KCNK13: variants seen among roughly 807,000 people sequenced by gnomAD.
The protein encoded by KCNK13 is potassium channel subfamily K member 13.
Under a neutral mutation model 23.4 loss-of-function variants are expected in KCNK13, and 12 were observed. That is an observed-to-expected ratio of 0.51 (90% confidence interval 0.33 to 0.83). The LOEUF is 0.83. Among genes scored for constraint, KCNK13 ranks in the 40% least tolerant of loss-of-function variants. The pLI is 0.02. For missense variants in KCNK13, 463 were observed against 556.3 expected, an observed-to-expected ratio of 0.83 and a Z score of 1.69; for synonymous variants, 231 against 229.5, an observed-to-expected ratio of 1.01 and a Z score of -0.06.
chr14:90,115,750 G>A (rs796246847), intron 1 of KCNK13, among the ~76,000 whole-genome samples: 1 of 152,176 alleles, frequency 6.6e-6, no homozygotes, highest in Non-Finnish European at 1.5e-5. Context: ...GCCATGGTTT[G>A]TCCACCCTGA....
At chr14:90,141,782 T>G (rs1890008552) in intron 1 of KCNK13, among the ~76,000 whole-genome samples, 1 of 79,348 alleles carries the variant, frequency 1.3e-5, no homozygotes, top group Non-Finnish European at 2.4e-5. Context: ...GTTTTTGTTT[T>G]GTTTTGTTTT....
At chr14:90,166,583 A>G (rs1210488793) in intron 1 of KCNK13, among the ~76,000 whole-genome samples, 2 of 152,004 alleles carry the variant, frequency 1.3e-5, no homozygotes, top group Non-Finnish European at 2.9e-5. Context: ...GCAGGCACCT[A>G]TAATCCCAGC....
chr14:90,090,913 A>G (rs1889337315), intron 1 of KCNK13, among the ~76,000 whole-genome samples: 2 of 152,134 alleles, frequency 1.3e-5, no homozygotes, highest in South Asian at 2.1e-4. Flanking sequence ...ATGTGGAACT[A>G]TAAGTCCATT....
chr14:90,082,250 A>C (rs1223765803), intron 1 of KCNK13, among the ~76,000 whole-genome samples: 1 of 150,316 alleles, frequency 6.7e-6, no homozygotes, highest in African/African-American at 2.5e-5. Flanking sequence ...TTTTTAGTAG[A>C]GACAGGGTTT....
intron 1 of KCNK13, among the ~76,000 whole-genome samples, chr14:90,161,557 G>A (rs1373765342): frequency 6.6e-6 from 1 of 152,206 alleles, no homozygotes; most frequent in African/African-American, 2.4e-5. Context: ...ATGGGAATCA[G>A]TGTGACAAGA....
rs934574418 is a variant in KCNK13 at position 90,184,693 on chromosome 14, T to G, written c.917T>G (p.Leu306Arg). The G allele has an allele frequency of 2.5e-6, 4 of 1,614,096 alleles. No homozygotes were observed. The highest frequency in any genetic ancestry group is 3.4e-6 in the Non-Finnish European group (4 of 1,180,054). ...TGCTGCCCGCAATGCCAGAGAGGAC[T>G]CTTGCGATCACGCAGGAACGTGGTG... ...SGCCPQCQRG[L>R]LRSRRNVVMP... The change falls in exon 2 of 2, where the codon CTC (leucine) becomes CGC (arginine). Residue 306 changes from leucine to arginine, a missense_variant. By Grantham distance (102) the Leu-to-Arg change is moderately radical. Transcript: ENST00000282146. This position sits in a 1 kb window ranked among gnomAD's most constrained non-coding sequence, Gnocchi z 5.6.
At chr14:90,179,689 C>T (rs1890464160) in intron 1 of KCNK13, among the ~76,000 whole-genome samples, 1 of 152,220 alleles carries the variant, frequency 6.6e-6, no homozygotes, top group African/African-American at 2.4e-5. Flanking sequence ...CAGATAACTT[C>T]AGGCTTGAAG....
chr14:90,128,477 A>G (rs1454523082), intron 1 of KCNK13, among the ~76,000 whole-genome samples: 2 of 151,976 alleles, frequency 1.3e-5, no homozygotes, highest in African/African-American at 4.8e-5. Context: ...CTGACTTCTC[A>G]CTGTGTGGCA....
rs1014125447 is a variant in KCNK13, at chr14:90,108,552, C to A, written c.334+46013C>A. Among the ~76,000 whole-genome samples the A allele has an allele frequency of 2.4e-4, 37 of 152,152 alleles. 1 individual carries two copies. The highest frequency in any genetic ancestry group is 5.9e-5 in the Non-Finnish European group (4 of 68,020). On this transcript the variant is annotated intron_variant, in intron 1 of 1. Transcript: ENST00000282146. ...CACCTTGAGAATCACTGCTCTGAAC[C>A]AGTGTTGTCCACCTTGTCCTCTCAC...
At chr14:90,066,606 A>G (rs568415408) in intron 1 of KCNK13, among the ~76,000 whole-genome samples, 11 of 152,324 alleles carry the variant, frequency 7.2e-5, no homozygotes, top group Non-Finnish European at 1.6e-4. Flanking sequence ...CTTTGGGATT[A>G]TATGTAGGAG....
intron 1 of KCNK13, among the ~76,000 whole-genome samples, chr14:90,073,691 G>C (rs1267835981): frequency 6.6e-6 from 1 of 152,142 alleles, no homozygotes; most frequent in Non-Finnish European, 1.5e-5. Context: ...TTTTTCTGGA[G>C]ACAGAGTCTC....
intron 1 of KCNK13, among the ~76,000 whole-genome samples, chr14:90,111,077 C>G (rs1489760552): frequency 6.6e-6 from 1 of 152,034 alleles, no homozygotes; most frequent in Non-Finnish European, 1.5e-5. Context: ...GAACTCCCTG[C>G]ATTAGCCTAT....
intron 1 of KCNK13, among the ~76,000 whole-genome samples, chr14:90,163,960 G>C (rs1202883475): frequency 6.6e-6 from 1 of 152,152 alleles, no homozygotes; most frequent in Non-Finnish European, 1.5e-5. Flanking sequence ...CCAAAGTGCT[G>C]GGATTACAGG....
At chr14:90,136,635 T>C (rs1889939763) in intron 1 of KCNK13, among the ~76,000 whole-genome samples, 1 of 152,192 alleles carries the variant, frequency 6.6e-6, no homozygotes, top group South Asian at 2.1e-4. Context: ...AAAATAGTTA[T>C]TTACTGGCTT....
intron 1 of KCNK13, among the ~76,000 whole-genome samples, chr14:90,143,479 ATGTGT>A (rs1309014421): frequency 6.6e-6 from 1 of 152,022 alleles, no homozygotes; most frequent in African/African-American, 2.4e-5. Context: ...TTGACCACGT[ATGTGT>A]GGGTTTATTT....
intron 1 of KCNK13, among the ~76,000 whole-genome samples, chr14:90,179,842 A>G (rs1436725593): frequency 1.3e-5 from 2 of 152,210 alleles, no homozygotes; most frequent in Admixed American, 6.5e-5. Flanking sequence ...TGGAAGAGAC[A>G]TATATACATT....
intron 1 of KCNK13, among the ~76,000 whole-genome samples, chr14:90,104,182 C>T (rs1204942283): frequency 6.6e-6 from 1 of 152,154 alleles, no homozygotes; most frequent in Non-Finnish European, 1.5e-5. Context: ...CTCAGCCGAG[C>T]CTCCTAATCT....
intron 1 of KCNK13, among the ~76,000 whole-genome samples, chr14:90,082,127 T>A (rs754002990): frequency 6.6e-6 from 1 of 152,202 alleles, no homozygotes; most frequent in Non-Finnish European, 1.5e-5. Context: ...AGTGGCATGA[T>A]CTCAGCTCAC....
intron 1 of KCNK13, among the ~76,000 whole-genome samples, chr14:90,120,187 T>C (rs529587301): frequency 1.3e-5 from 2 of 152,346 alleles, no homozygotes; most frequent in East Asian, 3.9e-4. Flanking sequence ...TATTGCTGTG[T>C]TAGTTTGCTA....
Sources: gnomAD v4.1 joint callset for allele counts (sites outside exome capture counted in the v4.1 genomes callset) on GRCh38, gnomAD v4.1.1 for gene constraint, Gnocchi (gnomAD v3.1) non-coding constraint, MANE v1.5 for transcripts, NCBI Gene and HGNC (gene_info 2026-07-23, HGNC 2026-07-21) for gene names.